Variants in VPS35L observed in about 807,000 individuals in gnomAD.
The protein encoded by VPS35L is VPS35 endosomal protein-sorting factor-like.
In VPS35L, 83 loss-of-function variants were observed where a neutral mutation model predicts 133.0. The observed-to-expected ratio is 0.62, with a 90% CI of 0.52 to 0.75. VPS35L has a LOEUF of 0.75. VPS35L is among the 30% of genes least tolerant of loss of function. The pLI is 0.00. For synonymous variants in VPS35L, 423 were observed against 449.9 expected, an observed-to-expected ratio of 0.94 and a Z score of 0.76; for missense variants, 1,083 against 1,206.8, an observed-to-expected ratio of 0.90 and a Z score of 1.52.
At chr16:19,688,023 C>A (rs1975524463) in intron 28 of VPS35L, among the ~76,000 whole-genome samples, 1 of 152,132 alleles carries the variant, frequency 6.6e-6, no homozygotes, top group Admixed American at 6.5e-5. Context: ...GCCTCCTGGG[C>A]TCAAGTCATC....
chr16:19,616,290 C>A, intron 13 of VPS35L, 99 bp downstream of exon 13: 1 of 1,013,826 alleles, frequency 9.9e-7, no homozygotes. Context: ...TGCCTTAAAG[C>A]TCTTTAAATG....
At chr16:19,582,691 T>C (rs915994367) in intron 7 of VPS35L, among the ~76,000 whole-genome samples, 1 of 152,244 alleles carries the variant, frequency 6.6e-6, no homozygotes, top group African/African-American at 2.4e-5. Context: ...AATATTTGCA[T>C]TGGCAGCATC....
intron 28 of VPS35L, 42 bp downstream of exon 28, chr16:19,682,432 T>G: frequency 6.3e-7 from 1 of 1,578,378 alleles, no homozygotes. Flanking sequence ...CGCATGGATT[T>G]CATGAAAGGC....
At chr16:19,580,786 C>T (rs990504825) in intron 6 of VPS35L, among the ~76,000 whole-genome samples, 5 of 152,272 alleles carry the variant, frequency 3.3e-5, no homozygotes, top group Middle Eastern at 3.4e-3. Context: ...TTCCTGATCC[C>T]CCCATCACAG....
intron 7 of VPS35L, chr16:19,587,518 A>G (rs768032662): frequency 1.9e-5 from 5 of 256,574 alleles, no homozygotes; most frequent in Non-Finnish European, 3.1e-5. Flanking sequence ...AATCCCAGCT[A>G]CTTGATACTC....
intron 16 of VPS35L, 109 bp from the exon 17 acceptor site, chr16:19,628,527 TA>T (rs953077931): frequency 1.8e-6 from 1 of 564,684 alleles, no homozygotes; most frequent in African/African-American, 1.9e-5. Flanking sequence ...GTTGGAAGAT[TA>T]GCCCCAAGAA....
At chr16:19,692,568 TTTTA>T (rs200430855) in intron 29 of VPS35L, among the ~76,000 whole-genome samples, 87 of 138,570 alleles carry the variant, frequency 6.3e-4, no homozygotes, top group African/African-American at 2.8e-3. Flanking sequence ...TTTCTTTTTA[TTTTA>T]TTTTTTTTGA....
At position 19,565,531 on chromosome 16, in the gene VPS35L, T is replaced by G. The variant is rs541862024; in HGVS notation, c.117+581T>G. On this transcript the variant is annotated intron_variant, in intron 2 of 30. Coordinates refer to ENST00000417362, the MANE Select transcript of VPS35L (RefSeq NM_020314.7). ...CTAATTTTTGCTATTTTTTTTATTT[T>G]TAGTAGAGACAGGGTTTCGCCATGT... is the stretch of plus-strand genomic sequence containing the variant. Among the ~76,000 whole-genome samples the G allele has an allele frequency of 2.9e-3, 448 of 152,256 alleles. 3 individuals are homozygous for G. The highest frequency in any genetic ancestry group is 0.011 in the African/African-American group (439 of 41,550).
chr16:19,569,698 T>A, intron 3 of VPS35L, 107 bp downstream of exon 3: 7 of 1,161,934 alleles, frequency 6.0e-6, no homozygotes, highest in Non-Finnish European at 8.1e-6. Flanking sequence ...AGACAGAGTC[T>A]CACTCTGTCA....
chr16:19,561,740 C>T (rs191660256), intron 1 of VPS35L, among the ~76,000 whole-genome samples: 5 of 152,176 alleles, frequency 3.3e-5, no homozygotes, highest in East Asian at 1.9e-4. Context: ...AGAATTGTCC[C>T]GTGTGCCCAG....
rs1483894221 is a variant in VPS35L, at chr16:19,633,800, C to T, written c.1635+628C>T. Among the ~76,000 whole-genome samples, 1 of 152,052 alleles carries T rather than the reference C, an allele frequency of 6.6e-6. No homozygotes were observed. Among genetic ancestry groups the T allele is most frequent in the Non-Finnish European group, 1.5e-5 (1 of 68,018 alleles). The stretch of plus-strand genomic sequence containing the variant: ...TTGCCCAGGCTGGAGTGCAGTGGTG[C>T]GATCTTGGCTCATTGCAACCTCCAC... On this transcript the variant is annotated intron_variant, in intron 19 of 30. Coordinates refer to ENST00000417362, the MANE Select transcript of VPS35L (RefSeq NM_020314.7). This position sits in a 1 kb window ranked among gnomAD's most constrained non-coding sequence, Gnocchi z 4.1.
intron 7 of VPS35L, among the ~76,000 whole-genome samples, chr16:19,590,621 C>T (rs559269260): frequency 1.3e-5 from 2 of 152,222 alleles, no homozygotes; most frequent in South Asian, 2.1e-4. Context: ...AAGTCCTGAA[C>T]GCTAAATAGC....
Position 19,581,668 on chromosome 16 carries a change from T to TC in VPS35L, c.639+20dup, listed in dbSNP as rs5816059. On this transcript the variant is annotated intron_variant, in intron 7 of 30. Coordinates refer to ENST00000417362, the MANE Select transcript of VPS35L (RefSeq NM_020314.7). ...TAGTCATCCAGGTTAGCTCTAGTGA[T>TC]CCCCCACCCCCACCCAGAATTTCCT... The TC allele has an allele frequency of 0.22, 349,442 of 1,607,102 alleles. 42,076 individuals carry two copies. Among genetic ancestry groups the TC allele is most frequent in the African/African-American group, 0.52 (38,088 of 72,888 alleles).
At chr16:19,692,729 AT>A (rs1361398438) in intron 29 of VPS35L, among the ~76,000 whole-genome samples, 1 of 152,012 alleles carries the variant, frequency 6.6e-6, no homozygotes, top group Non-Finnish European at 1.5e-5. Flanking sequence ...CACCCGGCTA[AT>A]TTTTGTGTTT....
intron 2 of VPS35L, among the ~76,000 whole-genome samples, chr16:19,566,573 G>A (rs908340144): frequency 3.3e-5 from 5 of 152,120 alleles, no homozygotes; most frequent in Non-Finnish European, 7.3e-5. Context: ...CATGAATTGG[G>A]CAGCCTCCTG....
chr16:19,640,601 C>T (rs1973757884), intron 21 of VPS35L, among the ~76,000 whole-genome samples: 1 of 152,118 alleles, frequency 6.6e-6, no homozygotes. Context: ...AATGTGTGAT[C>T]AGTTTTCAAA....
At chr16:19,645,290 C>CTT (rs11337040) in intron 23 of VPS35L, among the ~76,000 whole-genome samples, 12 of 128,474 alleles carry the variant, frequency 9.3e-5, no homozygotes, top group African/African-American at 1.2e-4. Context: ...TGTCTTTTTT[C>CTT]TTTTTTTTTT....
chr16:19,693,555 C>G lies in VPS35L; in HGVS notation c.2646+2084C>G, dbSNP rs181242425. Among the ~76,000 whole-genome samples, 4 of 151,894 alleles carry G rather than the reference C, an allele frequency of 2.6e-5. No homozygotes were observed. In the East Asian group the frequency reaches 7.8e-4, roughly 29 times the overall value. On this transcript the variant is annotated intron_variant, in intron 29 of 30. Coordinates refer to ENST00000417362, the MANE Select transcript of VPS35L (RefSeq NM_020314.7). ...CAGCACTTTGGGAGGCTGAGGTGGG[C>G]GGATCACTTGAGGCCAGGAGTTCGA...
At chr16:19,557,463 G>A (rs1751755455) in intron 1 of VPS35L, among the ~76,000 whole-genome samples, 1 of 152,096 alleles carries the variant, frequency 6.6e-6, no homozygotes. Context: ...TTGGCTCACC[G>A]CAACCTCCGC....
Sources: allele counts gnomAD v4.1 joint callset (sites outside exome capture counted in the v4.1 genomes callset), GRCh38; gene constraint gnomAD v4.1.1; non-coding constraint Gnocchi (gnomAD v3.1); transcripts MANE v1.5; gene names NCBI Gene and HGNC (gene_info 2026-07-23, HGNC 2026-07-21).